The following TENM2 variants were observed in gnomAD, a reference collection of about 807,000 sequenced individuals.
The protein encoded by TENM2 is teneurin transmembrane protein 2.
A neutral mutation model predicts 245.2 loss-of-function variants in TENM2; 52 were observed. That is an observed-to-expected ratio of 0.21 (90% CI 0.17 to 0.27). TENM2 has a LOEUF of 0.27. Ranked by LOEUF, TENM2 falls within the 10% of genes least tolerant of loss-of-function variation. The pLI is 1.00. For synonymous variants in TENM2, 1,363 were observed against 1,438.9 expected (o/e 0.95, Z 1.19); for missense variants, 3,046 against 3,666.8 (o/e 0.83, Z 4.37).
chr5:168,000,030 C>T (rs1335344561), intron 5 of TENM2, among the ~76,000 whole-genome samples: 1 of 152,208 alleles, frequency 6.6e-6, no homozygotes, highest in East Asian at 1.9e-4. Context: ...AAGCCTTGCC[C>T]TAGACTTTCT....
chr5:167,671,693 T>A (rs1229185366), intron 2 of TENM2, among the ~76,000 whole-genome samples: 1 of 151,466 alleles, frequency 6.6e-6, no homozygotes, highest in Non-Finnish European at 1.5e-5. Context: ...AGAACACCTA[T>A]AATATAGGTA....
At chr5:167,901,589 C>T (rs1397149305) in intron 3 of TENM2, among the ~76,000 whole-genome samples, 1 of 152,164 alleles carries the variant, frequency 6.6e-6, no homozygotes, top group Non-Finnish European at 1.5e-5. Context: ...CATCTCATAA[C>T]ATTATTGTGA....
intron 2 of TENM2, among the ~76,000 whole-genome samples, chr5:167,781,751 C>G (rs1051134747): frequency 6.6e-6 from 1 of 152,070 alleles, no homozygotes; most frequent in South Asian, 2.1e-4. Context: ...TTGGGCTGGT[C>G]GTGGTGGCTC....
chr5:167,465,633 T>C (rs1243834722), intron 2 of TENM2, among the ~76,000 whole-genome samples: 1 of 152,072 alleles, frequency 6.6e-6, no homozygotes, highest in Non-Finnish European at 1.5e-5. Context: ...ATCGAGACCA[T>C]CCTGACTAAC....
the TENM2 span, among the ~76,000 whole-genome samples, chr5:167,057,162 A>G: frequency 8.8e-4 from 134 of 152,162 alleles, no homozygotes; most frequent in African/African-American, 3.2e-3. Context: ...AATGGTTTAG[A>G]TCTCTAGCAT....
the TENM2 span, among the ~76,000 whole-genome samples, chr5:167,274,533 T>A: frequency 1.3e-5 from 2 of 152,096 alleles, no homozygotes. Flanking sequence ...GTAGTACAGT[T>A]ACTAGGTTGT....
the TENM2 span, among the ~76,000 whole-genome samples, chr5:167,253,746 G>A: frequency 3.3e-4 from 50 of 152,034 alleles, no homozygotes; most frequent in South Asian, 1.0e-3. Flanking sequence ...TGCAGTATTA[G>A]GGCGATGTTT....
chr5:167,321,782 C>G (rs1041648768), intron 1 of TENM2, among the ~76,000 whole-genome samples: 3 of 59,738 alleles, frequency 5.0e-5, no homozygotes, highest in Non-Finnish European at 9.3e-5. Flanking sequence ...GCTGCCTTGG[C>G]TTATTTTTTT....
chr5:167,312,925 T>A (rs1756128561), intron 1 of TENM2, among the ~76,000 whole-genome samples: 1 of 126,014 alleles, frequency 7.9e-6, no homozygotes, highest in Admixed American at 8.3e-5. Flanking sequence ...TTTTTTTAAA[T>A]GGAGCCTCCT....
At chr5:168,105,871 T>C (rs1794201328) in intron 9 of TENM2, among the ~76,000 whole-genome samples, 1 of 152,268 alleles carries the variant, frequency 6.6e-6, no homozygotes, top group African/African-American at 2.4e-5. Flanking sequence ...TGTTGTGGGC[T>C]AGAGGTTTTT....
At chr5:167,690,102 T>C (rs1014353243) in intron 2 of TENM2, among the ~76,000 whole-genome samples, 2 of 26,134 alleles carry the variant, frequency 7.7e-5, no homozygotes, top group Non-Finnish European at 1.2e-4. Context: ...AAAAACACAC[T>C]TTTTTTTTTT....
chr5:167,797,583 G>A (rs892944272), intron 2 of TENM2, among the ~76,000 whole-genome samples: 1 of 152,188 alleles, frequency 6.6e-6, no homozygotes, highest in African/African-American at 2.4e-5. Flanking sequence ...CTTTCGCAAT[G>A]TGTGTGGTGG....
intron 10 of TENM2, among the ~76,000 whole-genome samples, chr5:168,122,970 G>A (rs1357764621): frequency 1.3e-5 from 2 of 152,050 alleles, no homozygotes; most frequent in African/African-American, 4.8e-5. Context: ...TCTAAATAAT[G>A]TCATATTTAG....
intron 2 of TENM2, among the ~76,000 whole-genome samples, chr5:167,704,280 T>C (rs1033350474): frequency 3.9e-5 from 6 of 152,204 alleles, no homozygotes; most frequent in Admixed American, 3.3e-4. Context: ...AGAGGACTTT[T>C]ATTTGTCAAT....
chr5:167,261,889 T>G, the TENM2 span, among the ~76,000 whole-genome samples: 1 of 152,164 alleles, frequency 6.6e-6, no homozygotes, highest in Non-Finnish European at 1.5e-5. Flanking sequence ...TTTGCTGTCT[T>G]TTTAGTGTCC....
intron 2 of TENM2, among the ~76,000 whole-genome samples, chr5:167,565,933 T>C (rs1773878419): frequency 6.6e-6 from 1 of 152,186 alleles, no homozygotes; most frequent in South Asian, 2.1e-4. Flanking sequence ...ACTGGAAAAG[T>C]GGTTTGTTTG....
intron 2 of TENM2, among the ~76,000 whole-genome samples, chr5:167,444,114 C>G (rs1765019984): frequency 6.6e-6 from 1 of 152,042 alleles, no homozygotes. Flanking sequence ...AGAGATTCTA[C>G]TGATTCAAGA....
intron 2 of TENM2, among the ~76,000 whole-genome samples, chr5:167,756,494 G>A (rs566817425): frequency 6.6e-6 from 1 of 152,238 alleles, no homozygotes; most frequent in African/African-American, 2.4e-5. Context: ...AGAAAACAAA[G>A]TGATGGTTCC....
intron 3 of TENM2, among the ~76,000 whole-genome samples, chr5:167,879,331 C>T (rs1024907053): frequency 5.3e-5 from 8 of 152,148 alleles, no homozygotes; most frequent in African/African-American, 9.7e-5. Context: ...GAGATGTTTA[C>T]GGGAGTGGTG....
Sources: allele counts gnomAD v4.1 joint callset (sites outside exome capture counted in the v4.1 genomes callset), GRCh38; gene constraint gnomAD v4.1.1; transcripts MANE v1.5; gene names NCBI Gene and HGNC (gene_info 2026-07-23, HGNC 2026-07-21).